FYB1: variants seen among roughly 807,000 people sequenced by gnomAD.
The protein encoded by FYB1 is FYN-binding protein 1.
In FYB1, 41 loss-of-function variants were observed where a neutral mutation model predicts 94.1. That is an observed-to-expected ratio of 0.44 (90% CI 0.34 to 0.57). The LOEUF is 0.57. FYB1 is among the 20% of genes least tolerant of loss of function. The pLI is 0.02. For synonymous variants in FYB1, 367 were observed against 353.2 expected, an observed-to-expected ratio of 1.04 and a Z score of -0.44; for missense variants, 1,050 against 976.8, an observed-to-expected ratio of 1.07 and a Z score of -1.00.
chr5:39,152,934 G>A (rs1743374420), intron 3 of FYB1, among the ~76,000 whole-genome samples: 1 of 152,168 alleles, frequency 6.6e-6, no homozygotes, highest in Admixed American at 6.5e-5. Context: ...ACACTATTTT[G>A]TGGTCTTGGA....
At chr5:39,167,518 T>C (rs1042536053) in intron 2 of FYB1, among the ~76,000 whole-genome samples, 1 of 152,308 alleles carries the variant, frequency 6.6e-6, no homozygotes, top group South Asian at 2.1e-4. Flanking sequence ...CCTAAATTGC[T>C]CTGCATGCTG....
chr5:39,245,318 G>A (rs750010439), intron 1 of FYB1, among the ~76,000 whole-genome samples: 1 of 152,196 alleles, frequency 6.6e-6, no homozygotes, highest in Non-Finnish European at 1.5e-5. Context: ...TGTAATGTTT[G>A]TGTGGGTGTG....
chr5:39,221,170 C>G (rs1474717939), upstream of FYB1, among the ~76,000 whole-genome samples: 1 of 152,154 alleles, frequency 6.6e-6, no homozygotes, highest in Non-Finnish European at 1.5e-5. Flanking sequence ...TATGTAGCTT[C>G]TTGGTGTGTC....
chr5:39,161,835 C>A (rs1270085430), intron 2 of FYB1, among the ~76,000 whole-genome samples: 1 of 152,216 alleles, frequency 6.6e-6, no homozygotes, highest in Non-Finnish European at 1.5e-5. Flanking sequence ...TACTTACTGG[C>A]AGTCACTCCC....
chr5:39,229,400 G>T (rs1346051920), intron 1 of FYB1, among the ~76,000 whole-genome samples: 1 of 152,158 alleles, frequency 6.6e-6, no homozygotes, highest in Non-Finnish European at 1.5e-5. Context: ...ATCAGCCATT[G>T]TCCAGACTTA....
At chr5:39,254,819 G>GGATT (rs1162794606) in intron 1 of FYB1, among the ~76,000 whole-genome samples, 1 of 152,088 alleles carries the variant, frequency 6.6e-6, no homozygotes, top group Admixed American at 6.5e-5. Flanking sequence ...AAATCAAGAG[G>GGATT]GATTAGTGCT....
At chr5:39,108,474 T>G (rs1738739685) in intron 17 of FYB1, among the ~76,000 whole-genome samples, 1 of 152,106 alleles carries the variant, frequency 6.6e-6, no homozygotes, top group Non-Finnish European at 1.5e-5. Context: ...ACATACAGAA[T>G]AATTAAAACA....
In FYB1 at chr5:39,168,391, A is replaced by G. The variant is rs148776033; in HGVS notation, c.1136-14787T>C. On this transcript the variant is annotated intron_variant, in intron 2 of 18. Coordinates refer to ENST00000512982, the MANE Select transcript of FYB1 (RefSeq NM_001465.6). ...TAAAGGTGTATTTTAATGACAATTA[A>G]TGAAAAAGTTATTCTTCCATTAACT... Among the ~76,000 whole-genome samples the G allele has an allele frequency of 1.1e-3, 161 of 152,342 alleles. 1 individual carries two copies. The highest frequency in any genetic ancestry group is 3.7e-3 in the African/African-American group (155 of 41,582).
At chr5:39,266,743 GTC>G (rs1242692981) in intron 1 of FYB1, among the ~76,000 whole-genome samples, 1 of 152,140 alleles carries the variant, frequency 6.6e-6, no homozygotes, top group Admixed American at 6.5e-5. Context: ...CATTCCTTCA[GTC>G]TCTCATCCCA....
intron 1 of FYB1, among the ~76,000 whole-genome samples, chr5:39,241,569 T>C (rs1349087500): frequency 6.6e-6 from 1 of 151,574 alleles, no homozygotes; most frequent in Non-Finnish European, 1.5e-5. Context: ...TTAGGGGGAG[T>C]GCAGTCAACA....
At chr5:39,148,155 T>TATATATATATA (rs1332920550) in intron 3 of FYB1, among the ~76,000 whole-genome samples, 17 of 37,626 alleles carry the variant, frequency 4.5e-4, no homozygotes, top group African/African-American at 1.3e-3. Context: ...TATGTATTTT[T>TATATATATATA]TATATATATA....
At chr5:39,235,449 A>G (rs1467697699) in intron 1 of FYB1, among the ~76,000 whole-genome samples, 1 of 152,124 alleles carries the variant, frequency 6.6e-6, no homozygotes, top group Non-Finnish European at 1.5e-5. Flanking sequence ...AAACAGGGGC[A>G]GAGGGAGTGT....
At chr5:39,143,600 C>G (rs1742379958) in intron 3 of FYB1, among the ~76,000 whole-genome samples, 1 of 152,162 alleles carries the variant, frequency 6.6e-6, no homozygotes, top group Non-Finnish European at 1.5e-5. Flanking sequence ...GTCCCATAGT[C>G]AAACTCCTTA....
chr5:39,110,220 T>C (rs1274986774), intron 17 of FYB1, 136 bp downstream of exon 17: 1 of 527,286 alleles, frequency 1.9e-6, no homozygotes, highest in Admixed American at 3.5e-5. Flanking sequence ...ATGTTAACGT[T>C]AGTATAGCAT....
rs10528848 is a variant in FYB1 at position 39,148,155 on chromosome 5, T to TTATATATATA, written c.1292+5283_1292+5292dup. Among the ~76,000 whole-genome samples, 79 of 37,568 alleles carry TTATATATATA rather than the reference T, an allele frequency of 2.1e-3. 1 individual carries two copies. The highest frequency in any genetic ancestry group is 2.8e-3 in the Admixed American group (7 of 2,526). 24.6% of individuals were successfully genotyped at this position (37,568 alleles called of 152,430 possible). On this transcript the variant is annotated intron_variant, in intron 3 of 18. Coordinates refer to ENST00000512982, the MANE Select transcript of FYB1 (RefSeq NM_001465.6). Reference sequence around the variant, plus strand: ...ATTATATGTATATTATATGTATTTTTTATATATATATATATATATATATAT... The same window carrying TTATATATATA: ...ATTATATGTATATTATATGTATTTTTTATATATATATATATATATATATATATATATATAT...
intron 14 of FYB1, among the ~76,000 whole-genome samples, chr5:39,121,183 CAAAAAAAA>C (rs56376626): frequency 1.7e-5 from 1 of 57,672 alleles, no homozygotes; most frequent in Non-Finnish European, 3.3e-5. Flanking sequence ...TAATGTAAAG[CAAAAAAAA>C]AAAAAAAAAA....
intron 1 of FYB1, among the ~76,000 whole-genome samples, chr5:39,254,317 G>T (rs1318722090): frequency 6.6e-6 from 1 of 152,138 alleles, no homozygotes; most frequent in South Asian, 2.1e-4. Context: ...CATCAAAGGT[G>T]TATAAGCGTT....
chr5:39,239,402 A>G (rs1333847262), intron 1 of FYB1, among the ~76,000 whole-genome samples: 1 of 152,114 alleles, frequency 6.6e-6, no homozygotes, highest in East Asian at 1.9e-4. Flanking sequence ...TGATTGTACA[A>G]CTAGAAAACC....
At chr5:39,206,407 C>T (rs4957385) in intron 1 of FYB1, among the ~76,000 whole-genome samples, 1 of 152,052 alleles carries the variant, frequency 6.6e-6, no homozygotes, top group Non-Finnish European at 1.5e-5. Context: ...TTTCTTTAAG[C>T]GTAATGATAG....
Sources: allele counts gnomAD v4.1 joint callset (sites outside exome capture counted in the v4.1 genomes callset), GRCh38; gene constraint gnomAD v4.1.1; transcripts MANE v1.5; gene names NCBI Gene and HGNC (gene_info 2026-07-23, HGNC 2026-07-21).